SLC5A12: variants seen among roughly 807,000 people sequenced by gnomAD.
SLC5A12 encodes solute carrier family 5 member 12, also known as sodium-coupled monocarboxylate transporter 2.
SLC5A12 carries 46 observed loss-of-function variants against 72.7 expected under a neutral mutation model. The ratio of observed to expected loss-of-function variants is 0.63; its 90% CI spans 0.50 to 0.81. The LOEUF (loss-of-function observed/expected upper bound fraction) is 0.81. SLC5A12 is among the 30% of genes least tolerant of loss of function. The pLI, the probability that SLC5A12 is intolerant of heterozygous loss-of-function variation, is 0.00. For synonymous variants in SLC5A12, 275 were observed against 264.4 expected (o/e 1.04, Z -0.39); for missense variants, 683 against 740.7 (o/e 0.92, Z 0.90).
At chr11:26,715,104 G>A (rs1855319519) in intron 1 of SLC5A12, among the ~76,000 whole-genome samples, 1 of 152,132 alleles carries the variant, frequency 6.6e-6, no homozygotes, top group Non-Finnish European at 1.5e-5. Context: ...ACTAAGCCAT[G>A]ATTTTCTCTT....
At chr11:26,698,266 A>G (rs1433314355) in intron 7 of SLC5A12, 140 bp downstream of exon 7, 3 of 1,094,800 alleles carry the variant, frequency 2.7e-6, no homozygotes, top group Non-Finnish European at 2.5e-6. Flanking sequence ...ATCACCCAAG[A>G]GAAGAAAGAA....
At chr11:26,693,706 T>C (rs1453304347) in intron 8 of SLC5A12, among the ~76,000 whole-genome samples, 4 of 152,182 alleles carry the variant, frequency 2.6e-5, no homozygotes, top group African/African-American at 7.2e-5. Context: ...AAGTTTTCCA[T>C]TGATATTGAT....
rs371541883 is a variant in SLC5A12 at position 26,673,417 on chromosome 11, G to A, written c.1692C>T (p.Asp564=). ...ATCAGCTCACCTGCTCTGTCCCACT[G>A]TCATGCTGAACTCCACACCAGCATA... ...KTLCWCGVQH[D]SGTEQENLEN... The change falls in exon 14 of 15, where the codon GAC becomes GAT. Residue 564 remains aspartate (D), a synonymous_variant. Coordinates refer to ENST00000396005, the MANE Select transcript of SLC5A12 (RefSeq NM_178498.4). 6.2e-5 allele frequency: 100 copies of A among 1,602,060 alleles called. No individual in the cohort carries two copies. The African/African-American group carries it at 1.3e-3, about 21-fold the overall frequency.
intron 7 of SLC5A12, 118 bp downstream of exon 7, chr11:26,698,288 G>T (rs12294769): frequency 0.31 from 404,470 of 1,298,682 alleles, 64,987 homozygotes; most frequent in East Asian, 0.42. Flanking sequence ...CCAACTTCTT[G>T]GGGTTTGAGA....
chr11:26,675,973 G>GTGTGTGTT (rs1854256615), intron 13 of SLC5A12, among the ~76,000 whole-genome samples: 1 of 151,818 alleles, frequency 6.6e-6, no homozygotes, highest in South Asian at 2.1e-4. Context: ...ATGTATCTGT[G>GTGTGTGTT]TGTGTGTGTA....
At chr11:26,674,391 A>AAGAAAAG (rs1450358154) in intron 13 of SLC5A12, among the ~76,000 whole-genome samples, 1 of 151,728 alleles carries the variant, frequency 6.6e-6, no homozygotes, top group African/African-American at 2.4e-5. Context: ...AAAAATAAAA[A>AAGAAAAG]AATGTAGATT....
At chr11:26,678,866 G>A in intron 12 of SLC5A12, 51 bp from the exon 13 acceptor site, 1 of 1,273,244 alleles carries the variant, frequency 7.9e-7, no homozygotes, top group Non-Finnish European at 1.1e-6. Context: ...AAGACCCACA[G>A]TGATGTAGAG....
chr11:26,714,254 A>C (rs1855297607), intron 1 of SLC5A12, among the ~76,000 whole-genome samples: 1 of 152,108 alleles, frequency 6.6e-6, no homozygotes, highest in Non-Finnish European at 1.5e-5. Flanking sequence ...TATCTTTATC[A>C]TTTACACATT....
intron 10 of SLC5A12, 151 bp downstream of exon 10, chr11:26,686,326 T>G (rs1223385379): frequency 1.8e-5 from 11 of 608,126 alleles, no homozygotes; most frequent in Non-Finnish European, 2.6e-5. Context: ...GACTAGAGAA[T>G]TGATTTTACA....
At chr11:26,678,919 T>C in intron 12 of SLC5A12, 104 bp from the exon 13 acceptor site, 1 of 606,104 alleles carries the variant, frequency 1.6e-6, no homozygotes, top group African/African-American at 1.9e-5. Context: ...CTCAAAAGCC[T>C]AAATCATAAC....
chr11:26,704,042 T>C, intron 4 of SLC5A12, 95 bp from the exon 5 acceptor site: 1 of 1,331,216 alleles, frequency 7.5e-7, no homozygotes, highest in Non-Finnish European at 1.1e-6. Context: ...TGCATTCTTT[T>C]GTTTATTCAG....
At chr11:26,682,577 G>A (rs1177555743) in intron 11 of SLC5A12, among the ~76,000 whole-genome samples, 2 of 152,148 alleles carry the variant, frequency 1.3e-5, no homozygotes, top group Admixed American at 1.3e-4. Context: ...TAAATATCTA[G>A]GCAAAGGCCA....
intron 13 of SLC5A12, among the ~76,000 whole-genome samples, chr11:26,675,764 C>A (rs549140188): frequency 1.2e-4 from 19 of 152,232 alleles, no homozygotes; most frequent in African/African-American, 4.1e-4. Context: ...CACATGGTCC[C>A]TCTACTGGGC....
At chr11:26,690,342 A>T (rs1422231634) in intron 9 of SLC5A12, among the ~76,000 whole-genome samples, 1 of 152,126 alleles carries the variant, frequency 6.6e-6, no homozygotes, top group Non-Finnish European at 1.5e-5. Flanking sequence ...AAAATGCTAC[A>T]AGGCTATAAT....
At position 26,669,115 on chromosome 11, in the gene SLC5A12, T is replaced by A. The variant is rs181284798; in HGVS notation, c.*1987A>T. 6.6e-6 allele frequency: 1 copy of A among 150,998 alleles called. No homozygotes were observed. The highest frequency in any genetic ancestry group is 1.5e-5 in the Non-Finnish European group (1 of 67,752). The allele number at this position is 150,998 out of a possible 1,614,324, so 9.4% of individuals were successfully genotyped here. On this transcript the variant is annotated 3_prime_UTR_variant, in exon 15 of 15. Transcript: ENST00000396005. ...ACCTACCATTAATTTATTCTCATCCTCAGAATTGCTGTTTTTTTATTCTTT... is the reference window on the plus strand; with the variant it reads ...ACCTACCATTAATTTATTCTCATCCACAGAATTGCTGTTTTTTTATTCTTT...
At chr11:26,704,084 G>A in intron 4 of SLC5A12, 137 bp from the exon 5 acceptor site, 1 of 874,392 alleles carries the variant, frequency 1.1e-6, no homozygotes, top group Non-Finnish European at 1.8e-6. Flanking sequence ...TATGTGCCAA[G>A]TACCATGTTA....
chr11:26,689,221 C>A (rs1261345535), intron 9 of SLC5A12, among the ~76,000 whole-genome samples: 2 of 151,776 alleles, frequency 1.3e-5, no homozygotes, highest in East Asian at 3.9e-4. Flanking sequence ...CATGGTGAAA[C>A]CCCGTTTCTA....
At position 26,671,094 on chromosome 11, in the gene SLC5A12, G is replaced by T. The variant is rs1477298858; in HGVS notation, c.*8C>A. On this transcript the variant is annotated 3_prime_UTR_variant, in exon 15 of 15. Coordinates refer to ENST00000396005, the MANE Select transcript of SLC5A12 (RefSeq NM_178498.4). ...CACGTGTGTGTGTGCATTCATACAG[G>T]TATTGCCTTAGAAATGGGTAGTCTC... is the stretch of plus-strand genomic sequence containing the variant. 3 of 1,607,910 alleles carry T rather than the reference G, an allele frequency of 1.9e-6. No individual in the cohort carries two copies. The highest frequency in any genetic ancestry group is 2.2e-5 in the East Asian group (1 of 44,696).
intron 8 of SLC5A12, among the ~76,000 whole-genome samples, chr11:26,695,623 GA>G (rs1854791084): frequency 6.6e-6 from 1 of 152,070 alleles, no homozygotes; most frequent in East Asian, 1.9e-4. Flanking sequence ...GAACAAATGA[GA>G]AAAAAAGTCC....
Sources: allele counts gnomAD v4.1 joint callset (sites outside exome capture counted in the v4.1 genomes callset), GRCh38; gene constraint gnomAD v4.1.1; transcripts MANE v1.5; gene names NCBI Gene and HGNC (gene_info 2026-07-23, HGNC 2026-07-21).